USP32: variants seen among roughly 807,000 people sequenced by gnomAD.
The protein encoded by USP32 is ubiquitin carboxyl-terminal hydrolase 32.
Under a neutral mutation model 204.8 loss-of-function variants are expected in USP32, and 59 were observed. The observed-to-expected ratio is 0.29, with a 90% CI of 0.23 to 0.36. USP32 has a LOEUF of 0.36. USP32 is among the 10% of genes least tolerant of loss of function. The pLI is 1.00. For missense variants in USP32, 1,160 were observed against 1,946.4 expected, an observed-to-expected ratio of 0.60 and a Z score of 7.60; for synonymous variants, 517 against 678.4, an observed-to-expected ratio of 0.76 and a Z score of 3.70.
chr17:60,252,795 ATG>A (rs2145712840), intron 10 of USP32, among the ~76,000 whole-genome samples: 1 of 152,346 alleles, frequency 6.6e-6, no homozygotes, highest in East Asian at 1.9e-4. Context: ...ACACTCAGCC[ATG>A]TGTGAGATCT....
At chr17:60,347,681 T>C (rs1207380124) in intron 1 of USP32, among the ~76,000 whole-genome samples, 2 of 148,866 alleles carry the variant, frequency 1.3e-5, no homozygotes, top group Non-Finnish European at 3.0e-5. Flanking sequence ...GTATTTTTAG[T>C]TTCACCATGT....
intron 11 of USP32, among the ~76,000 whole-genome samples, chr17:60,244,525 G>A (rs2085963380): frequency 1.3e-5 from 2 of 152,018 alleles, no homozygotes; most frequent in African/African-American, 4.8e-5. Context: ...ATTTAAATAG[G>A]TAACATTTTA....
chr17:60,295,924 T>C lies in USP32; in HGVS notation c.293-1123A>G, dbSNP rs552852946. On this transcript the variant is annotated intron_variant, in intron 3 of 33. Transcript: ENST00000300896. ...AGATCTGTGCAGATAAGGGGGGAAC[T>C]AATGTGTACCATTTATTTAAAACTT... Among the ~76,000 whole-genome samples, 3 of 152,248 alleles carry C rather than the reference T, an allele frequency of 2.0e-5. No individual in the cohort carries two copies. The South Asian group carries it at 6.2e-4, about 32-fold the overall frequency.
chr17:60,265,091 G>C (rs73324944), intron 9 of USP32, among the ~76,000 whole-genome samples: 6,758 of 152,092 alleles, frequency 0.044, 539 homozygotes, highest in African/African-American at 0.15. Flanking sequence ...GACTTCTTTT[G>C]CTCAATATAA....
intron 11 of USP32, chr17:60,249,851 C>CTTT: frequency 6.3e-6 from 3 of 476,130 alleles, no homozygotes; most frequent in East Asian, 4.0e-5. Flanking sequence ...AATCACGATA[C>CTTT]TTTTTTTTTT....
intron 4 of USP32, 152 bp from the exon 5 acceptor site, chr17:60,288,834 A>C: frequency 3.2e-6 from 2 of 618,302 alleles, no homozygotes. Flanking sequence ...GTGTATATAC[A>C]TATTTGGAAA....
rs2086708189 is a variant in USP32 at position 60,270,874 on chromosome 17, C to T, written c.703+476G>A. On this transcript the variant is annotated intron_variant, in intron 6 of 33. Transcript: ENST00000300896. ...GCACTAAGTTTAGAGCTAGAGAGCACCTCGGAGATGGTCTAGTCCAATAGT... is the reference window on the plus strand; with the variant it reads ...GCACTAAGTTTAGAGCTAGAGAGCATCTCGGAGATGGTCTAGTCCAATAGT... Among the ~76,000 whole-genome samples, 3 of 151,668 alleles carry T rather than the reference C, an allele frequency of 2.0e-5. No individual in the cohort carries two copies. The South Asian group carries it at 6.3e-4, about 32-fold the overall frequency.
intron 2 of USP32, among the ~76,000 whole-genome samples, chr17:60,319,892 CG>C (rs1156969084): frequency 6.6e-6 from 1 of 151,974 alleles, no homozygotes; most frequent in East Asian, 1.9e-4. Flanking sequence ...TTAAAGTATA[CG>C]GGGGTGAGGG....
intron 1 of USP32, among the ~76,000 whole-genome samples, chr17:60,367,573 G>A (rs1365894154): frequency 1.3e-5 from 2 of 152,184 alleles, no homozygotes; most frequent in African/African-American, 4.8e-5. Context: ...CACTTTGGCA[G>A]GCTGAGGTGG....
upstream of USP32, chr17:60,392,480 A>G: frequency 4.7e-6 from 1 of 210,854 alleles, no homozygotes; most frequent in South Asian, 3.9e-5. Flanking sequence ...CTTGAGGACG[A>G]CCCCCCCCGC....
At chr17:60,344,128 A>ATGTTT (rs1555617234) in intron 2 of USP32, among the ~76,000 whole-genome samples, 5 of 131,190 alleles carry the variant, frequency 3.8e-5, no homozygotes, top group African/African-American at 1.5e-4. Context: ...TAAAATTCCT[A>ATGTTT]TTTTTTTTTT....
intron 27 of USP32, among the ~76,000 whole-genome samples, chr17:60,196,818 C>T (rs559025259): frequency 6.6e-6 from 1 of 151,860 alleles, no homozygotes; most frequent in Non-Finnish European, 1.5e-5. Context: ...GAGCGAGACT[C>T]TGTGTCAAAA....
rs965904462 is a variant in USP32, at chr17:60,353,498, T to C, written c.59-7890A>G. On this transcript the variant is annotated intron_variant, in intron 1 of 33. Transcript: ENST00000300896. Reference sequence around the variant, plus strand: ...GCTCACACCTGTAATCCCAGCACTTTGGGAGGCCGAAGCAGGTGGATCACT... The same window carrying C: ...GCTCACACCTGTAATCCCAGCACTTCGGGAGGCCGAAGCAGGTGGATCACT... Among the ~76,000 whole-genome samples the C allele has an allele frequency of 3.9e-5, 6 of 152,146 alleles. No individual in the cohort carries two copies. In the South Asian group the frequency reaches 1.2e-3, roughly 32 times the overall value.
At chr17:60,203,821 C>T (rs543948867) in intron 26 of USP32, among the ~76,000 whole-genome samples, 2 of 152,140 alleles carry the variant, frequency 1.3e-5, no homozygotes, top group South Asian at 2.1e-4. Flanking sequence ...ACGATCCACC[C>T]GCTTCGGCCT....
chr17:60,183,129 C>T (rs750478833), intron 31 of USP32, 36 bp downstream of exon 31: 2 of 1,556,240 alleles, frequency 1.3e-6, no homozygotes, highest in Non-Finnish European at 1.7e-6. Flanking sequence ...TACAGGAGTC[C>T]CAAGAAAGCA....
intron 1 of USP32, among the ~76,000 whole-genome samples, chr17:60,407,475 G>A (rs558608803): frequency 1.3e-5 from 2 of 152,288 alleles, no homozygotes; most frequent in East Asian, 1.9e-4. Context: ...ACTAGGTCTA[G>A]AGTAAAGTAC....
chr17:60,340,796 A>G (rs780199884), intron 2 of USP32, among the ~76,000 whole-genome samples: 18 of 152,296 alleles, frequency 1.2e-4, no homozygotes, highest in Non-Finnish European at 2.1e-4. Flanking sequence ...ATGTTTTTGC[A>G]GTGGCTGGTA....
chr17:60,360,240 G>A (rs549379107), intron 1 of USP32, among the ~76,000 whole-genome samples: 41 of 152,122 alleles, frequency 2.7e-4, no homozygotes, highest in African/African-American at 8.2e-4. Context: ...TTTGGGATGC[G>A]AGGTGGCCTT....
chr17:60,272,545 T>C (rs1383343606), intron 5 of USP32, among the ~76,000 whole-genome samples: 1 of 152,240 alleles, frequency 6.6e-6, no homozygotes, highest in Non-Finnish European at 1.5e-5. Flanking sequence ...AAATTCTGTC[T>C]ATAATGGAGT....
Sources: allele counts gnomAD v4.1 joint callset (sites outside exome capture counted in the v4.1 genomes callset), GRCh38; gene constraint gnomAD v4.1.1; transcripts MANE v1.5; gene names NCBI Gene and HGNC (gene_info 2026-07-23, HGNC 2026-07-21).